DTNB: variants seen among roughly 807,000 people sequenced by gnomAD.
The protein encoded by DTNB is dystrobrevin beta, also known as DTN-B.
In DTNB, 63 loss-of-function variants were observed where a neutral mutation model predicts 90.7. The ratio of observed to expected loss-of-function variants is 0.69; its 90% CI spans 0.57 to 0.86. DTNB has a LOEUF of 0.86. DTNB is among the 40% of genes least tolerant of loss of function. The pLI, the probability that DTNB is intolerant of heterozygous loss-of-function variation, is 0.00. For synonymous variants in DTNB, 277 were observed against 286.7 expected, an observed-to-expected ratio of 0.97 and a Z score of 0.34; for missense variants, 744 against 807.1, an observed-to-expected ratio of 0.92 and a Z score of 0.95.
intron 14 of DTNB, among the ~76,000 whole-genome samples, chr2:25,432,228 C>T (rs2054116986): frequency 6.6e-6 from 1 of 151,622 alleles, no homozygotes; most frequent in South Asian, 2.1e-4. Context: ...CACACACACA[C>T]ACACACACAC....
At chr2:25,502,612 G>A (rs923546174) in intron 9 of DTNB, among the ~76,000 whole-genome samples, 5 of 151,534 alleles carry the variant, frequency 3.3e-5, no homozygotes, top group South Asian at 2.1e-4. Flanking sequence ...AGCCAGGCAC[G>A]GTGGCTCATG....
intron 4 of DTNB, among the ~76,000 whole-genome samples, chr2:25,613,876 T>C (rs1167219686): frequency 6.6e-6 from 1 of 152,164 alleles, no homozygotes; most frequent in Non-Finnish European, 1.5e-5. Context: ...GAGAATTGCT[T>C]GAACCCAGGA....
intron 9 of DTNB, among the ~76,000 whole-genome samples, chr2:25,526,395 A>ATATATTTTTTTTTTTT: frequency 8.0e-5 from 4 of 49,826 alleles, no homozygotes; most frequent in African/African-American, 3.9e-4. Flanking sequence ...ATATATATAT[A>ATATATTTTTTTTTTTT]TTTTTTTTTT....
intron 8 of DTNB, among the ~76,000 whole-genome samples, chr2:25,561,529 T>C (rs2058258060): frequency 1.3e-5 from 2 of 152,326 alleles, no homozygotes; most frequent in East Asian, 1.9e-4. Context: ...CCAAATCTCA[T>C]GTTGAAATGT....
chr2:25,589,009 C>T (rs76497146), intron 6 of DTNB, among the ~76,000 whole-genome samples: 4 of 152,318 alleles, frequency 2.6e-5, no homozygotes, highest in African/African-American at 7.2e-5. Flanking sequence ...GCTTGCCAAA[C>T]TCTATTCAAT....
intron 3 of DTNB, among the ~76,000 whole-genome samples, chr2:25,635,219 G>A (rs932416766): frequency 3.9e-5 from 6 of 152,022 alleles, no homozygotes; most frequent in African/African-American, 1.4e-4. Flanking sequence ...GATCACTTGA[G>A]GCCAGGAGTT....
In DTNB at chr2:25,554,437, T is replaced by A. The variant is rs113367348; in HGVS notation, c.876+22401A>T. Among the ~76,000 whole-genome samples, 518 of 152,282 alleles carry A rather than the reference T, an allele frequency of 3.4e-3. 2 individuals are homozygous for A. The highest frequency in any genetic ancestry group is 0.012 in the African/African-American group (491 of 41,534). On this transcript the variant is annotated intron_variant, in intron 8 of 20. Coordinates refer to ENST00000406818, the MANE Select transcript of DTNB (RefSeq NM_021907.5). The stretch of plus-strand genomic sequence containing the variant: ...CTTTACAAGAGAATTAAAGGTAATA[T>A]ATTACCCATAAGTAAAGCTCATATA...
chr2:25,506,059 T>C (rs917050056), intron 9 of DTNB, among the ~76,000 whole-genome samples: 3 of 152,110 alleles, frequency 2.0e-5, no homozygotes, highest in African/African-American at 7.2e-5. Flanking sequence ...TCACATATTC[T>C]CAGTCATAGG....
At chr2:25,379,696 G>A (rs774648392) in intron 19 of DTNB, 16 of 226,236 alleles carry the variant, frequency 7.1e-5, no homozygotes, top group Non-Finnish European at 1.1e-4. Flanking sequence ...CCTGCAGATG[G>A]TCTGCTTTGA....
At chr2:25,658,809 G>A (rs1055778016) in intron 1 of DTNB, among the ~76,000 whole-genome samples, 2 of 152,258 alleles carry the variant, frequency 1.3e-5, no homozygotes, top group East Asian at 3.9e-4. Context: ...AATTTTTAGG[G>A]CAGAGAAATA....
intron 9 of DTNB, among the ~76,000 whole-genome samples, chr2:25,485,185 A>C (rs1044797990): frequency 4.1e-4 from 63 of 152,162 alleles, no homozygotes; most frequent in African/African-American, 1.5e-3. Flanking sequence ...AATTTTTAAT[A>C]AATAATAGAG....
At chr2:25,670,477 G>T (rs1428232600) in intron 1 of DTNB, among the ~76,000 whole-genome samples, 3 of 152,184 alleles carry the variant, frequency 2.0e-5, no homozygotes, top group Non-Finnish European at 4.4e-5. Flanking sequence ...CCGTGAGTAG[G>T]TCAAGGGGGC....
At chr2:25,403,486 C>T (rs562123482) in intron 16 of DTNB, among the ~76,000 whole-genome samples, 19 of 152,218 alleles carry the variant, frequency 1.2e-4, no homozygotes, top group African/African-American at 2.9e-4. Flanking sequence ...ACCTCACCAA[C>T]CAAGAGAAAA....
rs547226434 is a variant in DTNB at position 25,425,876 on chromosome 2, T to C, written c.1554+1659A>G. ...AGGGCATTCAAATGCCAACCATGCC[T>C]TTCTTTGCTCAGGGGTACAGGGGTT... On this transcript the variant is annotated intron_variant, in intron 15 of 20. Transcript: ENST00000406818. Among the ~76,000 whole-genome samples the C allele has an allele frequency of 2.0e-5, 3 of 152,316 alleles. No individual in the cohort carries two copies. In the South Asian group the frequency reaches 6.2e-4, roughly 32 times the overall value.
At position 25,598,134 on chromosome 2, in the gene DTNB, G is replaced by T. The variant is rs541452709; in HGVS notation, c.449-1894C>A. Among the ~76,000 whole-genome samples the T allele has an allele frequency of 3.3e-5, 5 of 152,304 alleles. No individual in the cohort carries two copies. In the East Asian group the frequency reaches 9.6e-4, roughly 29 times the overall value. ...GCTTGTAAGCAGAAGGGTTGTAGGG[G>T]ACTTCCAGAAGACTAGGTAAACAAA... On this transcript the variant is annotated intron_variant, in intron 5 of 20. Coordinates refer to ENST00000406818, the MANE Select transcript of DTNB (RefSeq NM_021907.5).
intron 10 of DTNB, among the ~76,000 whole-genome samples, chr2:25,479,352 A>G (rs998082423): frequency 1.3e-5 from 2 of 152,216 alleles, no homozygotes; most frequent in African/African-American, 4.8e-5. Flanking sequence ...GGGGAAAAAG[A>G]GGTCTAGACG....
chr2:25,402,487 G>C (rs1048233033), intron 16 of DTNB, among the ~76,000 whole-genome samples: 3 of 152,138 alleles, frequency 2.0e-5, no homozygotes, highest in African/African-American at 7.2e-5. Flanking sequence ...CAGCATGAAA[G>C]TGGAGTCTTT....
At chr2:25,626,126 G>C (rs1265282046) in intron 4 of DTNB, among the ~76,000 whole-genome samples, 1 of 152,158 alleles carries the variant, frequency 6.6e-6, no homozygotes, top group Non-Finnish European at 1.5e-5. Context: ...GTAGACTAAA[G>C]CGCCATAGTA....
At chr2:25,423,747 C>CCT (rs2050593354) in intron 15 of DTNB, among the ~76,000 whole-genome samples, 2 of 151,072 alleles carry the variant, frequency 1.3e-5, no homozygotes, top group Non-Finnish European at 3.0e-5. Flanking sequence ...GCAACCTCCA[C>CCT]CTCCTGGGTT....
Sources: allele counts gnomAD v4.1 joint callset (sites outside exome capture counted in the v4.1 genomes callset), GRCh38; gene constraint gnomAD v4.1.1; transcripts MANE v1.5; gene names NCBI Gene and HGNC (gene_info 2026-07-23, HGNC 2026-07-21).